The following FHAD1 variants were observed in gnomAD, a reference collection of about 807,000 sequenced individuals.
FHAD1 encodes the protein forkhead-associated domain-containing protein 1.
FHAD1 carries 146 observed loss-of-function variants against 191.3 expected under a neutral mutation model. That is an observed-to-expected ratio of 0.76 (90% CI 0.67 to 0.88). The LOEUF is 0.88. FHAD1 is among the 40% of genes least tolerant of loss of function. The pLI is 0.00. For synonymous variants in FHAD1, 616 were observed against 672.3 expected, an observed-to-expected ratio of 0.92 and a Z score of 1.29; for missense variants, 1,635 against 1,785.8, an observed-to-expected ratio of 0.92 and a Z score of 1.52.
intron 28 of FHAD1, 135 bp from the exon 29 acceptor site, chr1:15,380,566 C>T (rs1037935668): frequency 1.8e-5 from 12 of 662,526 alleles, no homozygotes; most frequent in Admixed American, 7.9e-5. Context: ...AGGAATCAGA[C>T]GGAATGATCA....
rs1322964238 is a variant in FHAD1, at chr1:15,328,348, A to G, written c.1629A>G (p.Lys543=). The G allele has an allele frequency of 6.5e-7, 1 of 1,549,652 alleles. No individual in the cohort carries two copies. The highest frequency in any genetic ancestry group is 1.4e-5 in the African/African-American group (1 of 72,742). ...NFQQKKWTLQ[K]ETQLSNSKQE... ...AGCAGAAAAAGTGGACCCTCCAGAA[A>G]GAGACCCAGCTGAGCAACTCCAAGC... The change falls in exon 13 of 34, where the codon AAA becomes AAG. Residue 543 remains lysine (K), a synonymous_variant. Transcript: ENST00000688493.
chr1:15,278,632 C>T (rs1337989471), intron 3 of FHAD1, among the ~76,000 whole-genome samples: 2 of 152,018 alleles, frequency 1.3e-5, no homozygotes, highest in East Asian at 3.9e-4. Flanking sequence ...TGCCACCATG[C>T]CCAGCTAATT....
At chr1:15,304,579 T>G (rs1216865691) in intron 6 of FHAD1, among the ~76,000 whole-genome samples, 3 of 152,146 alleles carry the variant, frequency 2.0e-5, no homozygotes, top group Non-Finnish European at 4.4e-5. Flanking sequence ...AGCTGTAACT[T>G]TTTTAAAAAA....
chr1:15,351,580 T>A (rs574591817), intron 19 of FHAD1, among the ~76,000 whole-genome samples: 6 of 152,282 alleles, frequency 3.9e-5, no homozygotes, highest in African/African-American at 1.2e-4. Context: ...AGATGCTCTC[T>A]GGGGGTTTGC....
rs1676948661 is a variant in FHAD1, at chr1:15,323,164, GAC to G, written c.1366-1282_1366-1281del. Among the ~76,000 whole-genome samples, 14 of 152,238 alleles carry G rather than the reference GAC, an allele frequency of 9.2e-5. No individual in the cohort carries two copies. The East Asian group carries it at 2.7e-3, about 29-fold the overall frequency. On this transcript the variant is annotated intron_variant, in intron 10 of 33. Coordinates refer to ENST00000688493, the MANE Select transcript of FHAD1 (RefSeq NM_001391957.1). ...TACAATTGAAGTTGAGATTTGGGTG[GAC>G]ACACAGCCAAACCCTATCACCATGC...
In FHAD1 at chr1:15,312,595, G is replaced by A. The variant is rs1279053670; in HGVS notation, c.1040-462G>A. On this transcript the variant is annotated intron_variant, in intron 7 of 33. Coordinates refer to ENST00000688493, the MANE Select transcript of FHAD1 (RefSeq NM_001391957.1). This position sits in a 1 kb window ranked among gnomAD's most constrained non-coding sequence, Gnocchi z 4.7. The stretch of plus-strand genomic sequence containing the variant: ...GAGGATCGCCTGAGTCCAGGAGGTC[G>A]AGGCTGTAGTGAACCATGATCGTGC... Among the ~76,000 whole-genome samples the A allele has an allele frequency of 1.3e-5, 2 of 152,232 alleles. No homozygotes were observed. Among genetic ancestry groups the A allele is most frequent in the African/African-American group, 4.8e-5 (2 of 41,460 alleles).
chr1:15,256,581 A>G (rs1390961429), intron 2 of FHAD1, among the ~76,000 whole-genome samples: 1 of 134,814 alleles, frequency 7.4e-6, no homozygotes, highest in African/African-American at 2.8e-5. Context: ...TGAACCTGGG[A>G]GATTGCAGTG....
chr1:15,317,843 A>G lies in FHAD1; in HGVS notation c.1280A>G (p.Lys427Arg). ...TTTCAGCAAATCCAAGACATGGAGA[A>G]AGAAATGAAGAAGCTTAGGGCAGAG... Reference protein sequence around the residue: ...LCKTQIQDMEKEMKKLRAELR... With the variant: ...LCKTQIQDMEREMKKLRAELR... The change falls in exon 10 of 34, where the codon AAA becomes AGA. Residue 427 changes from lysine to arginine, a missense_variant. Lys to Arg is a conservative substitution (Grantham distance 26). Coordinates refer to ENST00000688493, the MANE Select transcript of FHAD1 (RefSeq NM_001391957.1). The G allele has an allele frequency of 6.4e-7, 1 of 1,551,724 alleles. No individual in the cohort carries two copies.
In FHAD1 at chr1:15,308,755, G is replaced by C; in HGVS notation, c.1039+19G>C. ...ACATCAGGTGAGCCCTTGGAGTCGG[G>C]CCTGGGAGCTGCCACTCCCGCACCC... is the stretch of plus-strand genomic sequence containing the variant. On this transcript the variant is annotated intron_variant, in intron 7 of 33. Coordinates refer to ENST00000688493, the MANE Select transcript of FHAD1 (RefSeq NM_001391957.1). The C allele has an allele frequency of 6.4e-7, 1 of 1,551,368 alleles. No individual in the cohort carries two copies. Among genetic ancestry groups the C allele is most frequent in the Non-Finnish European group, 8.7e-7 (1 of 1,146,856 alleles).
rs981253203 is a variant in FHAD1, at chr1:15,381,579, T to C, written c.4022+128T>C. ...AGACCCACGTGTGGAATACCTGCAA[T>C]GTCAGAAGGGGACCAGGGAGGGCAC... is the stretch of plus-strand genomic sequence containing the variant. On this transcript the variant is annotated intron_variant, in intron 30 of 33. Coordinates refer to ENST00000688493, the MANE Select transcript of FHAD1 (RefSeq NM_001391957.1). The surrounding 1 kb of genome is among the most constrained non-coding windows in gnomAD (Gnocchi z 4.6). 3.0e-5 allele frequency: 21 copies of C among 690,994 alleles called. No individual in the cohort carries two copies. Among genetic ancestry groups the C allele is most frequent in the Admixed American group, 1.9e-4 (7 of 36,974 alleles). The allele number at this position is 690,994 out of a possible 1,614,324, so 42.8% of individuals were successfully genotyped here.
chr1:15,371,246 G>A (rs1698000482), intron 26 of FHAD1, among the ~76,000 whole-genome samples: 1 of 152,312 alleles, frequency 6.6e-6, no homozygotes. Context: ...GACGCACAGG[G>A]TCCCGCCCAC....
chr1:15,394,160 T>G (rs1292321026), intron 33 of FHAD1, among the ~76,000 whole-genome samples: 1 of 152,188 alleles, frequency 6.6e-6, no homozygotes. Context: ...AGGTCAGCGG[T>G]CCTGGCTGCC....
At chr1:15,266,429 T>C (rs1281257976) in intron 2 of FHAD1, among the ~76,000 whole-genome samples, 1 of 151,392 alleles carries the variant, frequency 6.6e-6, no homozygotes, top group Non-Finnish European at 1.5e-5. Flanking sequence ...TTTTTAGCAG[T>C]TTTAGGTTCA....
intron 5 of FHAD1, among the ~76,000 whole-genome samples, chr1:15,298,739 G>A (rs1667700001): frequency 6.6e-6 from 1 of 152,156 alleles, no homozygotes; most frequent in Non-Finnish European, 1.5e-5. Flanking sequence ...GTTATTTGTA[G>A]CCATTTTTAA....
Position 15,329,194 on chromosome 1 carries a change from T to TAAAAAAAA in FHAD1, c.1711-146_1711-145insAAAAAAAA. 1 of 583,320 alleles carries TAAAAAAAA rather than the reference T, an allele frequency of 1.7e-6. No homozygotes were observed. Among genetic ancestry groups the TAAAAAAAA allele is most frequent in the East Asian group, 2.9e-5 (1 of 34,450 alleles). 36.1% of individuals were successfully genotyped at this position (583,320 alleles called of 1,614,324 possible). A position where few individuals can be genotyped will look rare whatever the true frequency, so the allele number is the denominator to read the frequency against. On this transcript the variant is annotated intron_variant, in intron 13 of 33. Transcript: ENST00000688493. The surrounding 1 kb of genome is among the most constrained non-coding windows in gnomAD (Gnocchi z 5.0). The stretch of plus-strand genomic sequence containing the variant: ...AAAACCTGTCAAAACATAAAAATTT[T>TAAAAAAAA]AAAAAAGAAAAAAACTGAGTCCTCC...
At chr1:15,308,864 A>G (rs1443281971) in intron 7 of FHAD1, 128 bp downstream of exon 7, 2 of 1,401,334 alleles carry the variant, frequency 1.4e-6, no homozygotes, top group Admixed American at 4.2e-5. Context: ...AGTTCTTCCC[A>G]GCAGCCCTTT....
chr1:15,353,023 C>A (rs1436591129), intron 20 of FHAD1, 39 bp downstream of exon 20: 4 of 1,430,806 alleles, frequency 2.8e-6, no homozygotes, highest in Non-Finnish European at 3.9e-6. Flanking sequence ...AGGGGCCCAG[C>A]ACAGCGAAGG....
In FHAD1 at chr1:15,341,847, A is replaced by C; in HGVS notation, c.2089A>C (p.Lys697Gln). 1.3e-6 allele frequency: 2 copies of C among 1,551,670 alleles called. No homozygotes were observed. The highest frequency in any genetic ancestry group is 1.7e-6 in the Non-Finnish European group (2 of 1,146,922). The part of the protein sequence containing the change: ...LNEERLEQEE[K>Q]LKAKIRQLTE... Reference sequence around the variant, plus strand: ...CGAGGAGAGGCTAGAGCAAGAGGAGAAGCTCAAAGCCAAAATCAGGCAACT... The same window carrying C: ...CGAGGAGAGGCTAGAGCAAGAGGAGCAGCTCAAAGCCAAAATCAGGCAACT... The change falls in exon 16 of 34, where the codon AAG becomes CAG. Residue 697 changes from lysine to glutamine, a missense_variant. By Grantham distance (53) the Lys-to-Gln change is moderately conservative. Transcript: ENST00000688493.
intron 4 of FHAD1, among the ~76,000 whole-genome samples, chr1:15,293,056 T>C (rs1001473399): frequency 2.0e-5 from 3 of 152,342 alleles, no homozygotes; most frequent in African/African-American, 7.2e-5. Flanking sequence ...GGGAGATGAC[T>C]ATATAGGGGC....
Sources: gnomAD v4.1 joint callset for allele counts (sites outside exome capture counted in the v4.1 genomes callset) on GRCh38, gnomAD v4.1.1 for gene constraint, Gnocchi (gnomAD v3.1) non-coding constraint, MANE v1.5 for transcripts, NCBI Gene and HGNC (gene_info 2026-07-23, HGNC 2026-07-21) for gene names.